The following CDH26 variants were observed in gnomAD, a reference collection of about 807,000 sequenced individuals.
CDH26 encodes cadherin-like protein 26.
CDH26 carries 83 observed loss-of-function variants against 90.3 expected under a neutral mutation model. That is an observed-to-expected ratio of 0.92 (90% confidence interval 0.77 to 1.10). The LOEUF (loss-of-function observed/expected upper bound fraction) is 1.10. Ranked by LOEUF, CDH26 falls within the 50% of genes least tolerant of loss-of-function variation. CDH26 has a pLI of 0.00. For missense variants in CDH26, 1,013 were observed against 1,037.6 expected, an observed-to-expected ratio of 0.98 and a Z score of 0.33; for synonymous variants, 397 against 396.3, an observed-to-expected ratio of 1.00 and a Z score of -0.02.
chr20:60,011,469 T>A (rs558464415), intron 17 of CDH26, among the ~76,000 whole-genome samples: 1 of 152,318 alleles, frequency 6.6e-6, no homozygotes, highest in South Asian at 2.1e-4. Flanking sequence ...TTCACTCAAA[T>A]AAATATGTGT....
chr20:60,035,078 C>G (rs1365779504), downstream of CDH26, among the ~76,000 whole-genome samples: 1 of 152,220 alleles, frequency 6.6e-6, no homozygotes, highest in Non-Finnish European at 1.5e-5. Context: ...AATTTATTCA[C>G]CTAACAATCC....
chr20:59,967,659 C>T (rs1482975316), intron 1 of CDH26, among the ~76,000 whole-genome samples: 1 of 152,076 alleles, frequency 6.6e-6, no homozygotes, highest in Non-Finnish European at 1.5e-5. Context: ...CTCTCTCCCT[C>T]CCCACTCCCA....
intron 9 of CDH26, among the ~76,000 whole-genome samples, chr20:59,989,874 A>G (rs2145991474): frequency 6.6e-6 from 1 of 152,314 alleles, no homozygotes; most frequent in Non-Finnish European, 1.5e-5. Flanking sequence ...GTGGTAAAAT[A>G]TACATAAAAT....
In CDH26 at chr20:60,002,808, T is replaced by C; in HGVS notation, c.2167-5T>C. 6.3e-7 allele frequency: 1 copy of C among 1,590,482 alleles called. No individual in the cohort carries two copies. The highest frequency in any genetic ancestry group is 2.2e-5 in the East Asian group (1 of 44,506). On this transcript the variant is annotated splice_region_variant and splice_polypyrimidine_tract_variant and intron_variant, in intron 15 of 17. Coordinates refer to ENST00000348616, the MANE Select transcript of CDH26 (RefSeq NM_177980.4). The stretch of plus-strand genomic sequence containing the variant: ...AAATCAGTAAATATTTCATCTTTCT[T>C]TAAGGGTTATGGCAAGCCCTTTGAG...
At chr20:59,996,223 A>G (rs1265008395) in intron 12 of CDH26, 169 bp downstream of exon 12, 10 of 995,188 alleles carry the variant, frequency 1.0e-5, no homozygotes, top group Non-Finnish European at 1.4e-5. Flanking sequence ...AGAGGTTGCC[A>G]TGCTGGCCAG....
intron 9 of CDH26, among the ~76,000 whole-genome samples, chr20:59,991,084 G>T (rs2061522218): frequency 6.6e-6 from 1 of 152,076 alleles, no homozygotes; most frequent in Non-Finnish European, 1.5e-5. Flanking sequence ...TGGCCAGGCT[G>T]GTTTCCAACC....
intron 11 of CDH26, among the ~76,000 whole-genome samples, chr20:59,995,543 T>G (rs2061582024): frequency 6.6e-6 from 1 of 152,210 alleles, no homozygotes; most frequent in Admixed American, 6.5e-5. Context: ...CCTTGTGTGA[T>G]TTACGTCTGT....
intron 1 of CDH26, among the ~76,000 whole-genome samples, chr20:59,961,697 G>C (rs2061076761): frequency 6.6e-6 from 1 of 152,022 alleles, no homozygotes; most frequent in Non-Finnish European, 1.5e-5. Context: ...TTGTCATTTG[G>C]CCATGAAGCC....
intron 15 of CDH26, among the ~76,000 whole-genome samples, chr20:60,002,134 T>C (rs1398377396): frequency 6.6e-6 from 1 of 152,196 alleles, no homozygotes; most frequent in Non-Finnish European, 1.5e-5. Context: ...TAGAATCATA[T>C]CCAATTTTTA....
chr20:59,996,852 C>T lies in CDH26; in HGVS notation c.2019+91C>T. The T allele has an allele frequency of 2.6e-6, 4 of 1,519,430 alleles. No homozygotes were observed. The South Asian group carries it at 4.9e-5, about 18-fold the overall frequency. The allele number at this position is 1,519,430 out of a possible 1,614,324, so 94.1% of individuals were successfully genotyped here. A position where few individuals can be genotyped will look rare whatever the true frequency, so the allele number is the denominator to read the frequency against. On this transcript the variant is annotated intron_variant, in intron 13 of 17. Coordinates refer to ENST00000348616, the MANE Select transcript of CDH26 (RefSeq NM_177980.4). ...TATTTTTCCCCCCATTGTGCCACCT[C>T]TTAATTCTTCACTCTTACCCGTGTT...
intron 16 of CDH26, 36 bp from the exon 17 acceptor site, chr20:60,006,677 C>T: frequency 6.5e-7 from 1 of 1,532,250 alleles, no homozygotes; most frequent in Non-Finnish European, 9.0e-7. Flanking sequence ...GACAAGGGCT[C>T]TGCTGTGGTA....
Position 60,013,715 on chromosome 20 carries a change from A to G in CDH26, c.*985A>G, listed in dbSNP as rs966477518. ...TGCCCTAAAATAAATCAGTAGAAAC[A>G]TGTTTGCTGGTGAATCAGTGAAGCA... On this transcript the variant is annotated 3_prime_UTR_variant, in exon 18 of 18. Transcript: ENST00000348616. The G allele has an allele frequency of 6.6e-6, 1 of 152,244 alleles. No homozygotes were observed. Among genetic ancestry groups the G allele is most frequent in the Non-Finnish European group, 1.5e-5 (1 of 68,044 alleles). The allele number at this position is 152,244 out of a possible 1,614,324, so 9.4% of individuals were successfully genotyped here.
Position 59,963,241 on chromosome 20 carries a change from G to A in CDH26, c.69+4446G>A, listed in dbSNP as rs187746792. ...GCCCGACATCACATAGCTGGTGAGG[G>A]GTAGATAAGGATTTTTTTTTTTTTT... On this transcript the variant is annotated intron_variant, in intron 1 of 17. Coordinates refer to ENST00000348616, the MANE Select transcript of CDH26 (RefSeq NM_177980.4). 1.2e-3 allele frequency among the ~76,000 whole-genome samples: 171 copies of A among 147,488 alleles called. 1 individual carries two copies. The highest frequency in any genetic ancestry group is 4.1e-3 in the African/African-American group (163 of 39,688).
chr20:60,030,315 G>A lies in CDH26; in HGVS notation c.948-916G>A, dbSNP rs1380883590. ...AGAGCCTCAGCATTCCAGGACATCA[G>A]GGTGATTTGAAGTCAATCACAGCAG... On this transcript the variant is annotated intron_variant, in intron 7 of 8. Coordinates refer to the CDH26 transcript ENST00000370991. The surrounding 1 kb of genome is among the most constrained non-coding windows in gnomAD (Gnocchi z 4.0). Among the ~76,000 whole-genome samples the A allele has an allele frequency of 6.6e-6, 1 of 152,142 alleles. No homozygotes were observed. The highest frequency in any genetic ancestry group is 2.4e-5 in the African/African-American group (1 of 41,426).
At chr20:60,008,160 A>T (rs2146017817) in intron 17 of CDH26, among the ~76,000 whole-genome samples, 1 of 152,326 alleles carries the variant, frequency 6.6e-6, no homozygotes, top group South Asian at 2.1e-4. Context: ...CTATGGAATG[A>T]TAAGCACAAA....
chr20:60,001,236 A>T, intron 14 of CDH26, 107 bp from the exon 15 acceptor site: 1 of 1,341,702 alleles, frequency 7.5e-7, no homozygotes, highest in Non-Finnish European at 1.0e-6. Context: ...GTGTTTGCCT[A>T]TGAATATATG....
Position 60,029,351 on chromosome 20 carries a change from C to T in CDH26, c.948-1880C>T, listed in dbSNP as rs62205084. On this transcript the variant is annotated intron_variant, in intron 7 of 8. Coordinates refer to the CDH26 transcript ENST00000370991. ...AGCACCTATAGTCAACAACGTAGCA[C>T]CTATAGTCAACAACGTAGCATCTAT... Among the ~76,000 whole-genome samples, 127 of 27,886 alleles carry T rather than the reference C, an allele frequency of 4.6e-3. 1 individual carries two copies. Among genetic ancestry groups the T allele is most frequent in the African/African-American group, 0.015 (113 of 7,346 alleles). The allele number at this position is 27,886 out of a possible 152,430, so 18.3% of individuals were successfully genotyped here.
chr20:59,965,669 T>C (rs2061139539), intron 1 of CDH26, among the ~76,000 whole-genome samples: 1 of 152,228 alleles, frequency 6.6e-6, no homozygotes, highest in Admixed American at 6.5e-5. Flanking sequence ...CGAGCAGATA[T>C]TTGAAAAGGG....
intron 17 of CDH26, among the ~76,000 whole-genome samples, chr20:60,011,919 G>T (rs1158077596): frequency 6.6e-6 from 1 of 152,134 alleles, no homozygotes; most frequent in Non-Finnish European, 1.5e-5. Context: ...TGGTGACGGG[G>T]ACATCACCAT....
Sources: gnomAD v4.1 joint callset for allele counts (sites outside exome capture counted in the v4.1 genomes callset) on GRCh38, gnomAD v4.1.1 for gene constraint, Gnocchi (gnomAD v3.1) non-coding constraint, MANE v1.5 for transcripts, NCBI Gene and HGNC (gene_info 2026-07-23, HGNC 2026-07-21) for gene names.